The following SDK1 variants were observed in gnomAD, a reference collection of about 807,000 sequenced individuals.
SDK1 encodes the protein sidekick cell adhesion molecule 1, also known as protein sidekick-1.
In SDK1, 157 loss-of-function variants were observed where a neutral mutation model predicts 245.5. That is an observed-to-expected ratio of 0.64 (90% CI 0.56 to 0.73). The LOEUF is 0.73. SDK1 is among the 30% of genes least tolerant of loss of function. The pLI is 0.00. For synonymous variants in SDK1, 1,647 were observed against 1,278.5 expected (o/e 1.29, Z -6.15); for missense variants, 3,583 against 3,002.3 (o/e 1.19, Z -4.52).
chr7:4,099,480 C>T (rs1251797253), intron 22 of SDK1, among the ~76,000 whole-genome samples: 10 of 126,400 alleles, frequency 7.9e-5, no homozygotes, highest in African/African-American at 2.4e-4. Context: ...CAGCGGGCTC[C>T]GGGGCTGGGG....
In SDK1 at chr7:3,897,263, C is replaced by G. The variant is rs774031452; in HGVS notation, c.848-53660C>G. On this transcript the variant is annotated intron_variant, in intron 5 of 44. Transcript: ENST00000404826. ...CCCGTTCAGTAAGAAGTATTATGCA[C>G]ATTAACATTTCTGCACACTCATCAC... Among the ~76,000 whole-genome samples the G allele has an allele frequency of 3.9e-4, 60 of 152,182 alleles. 1 individual carries two copies. The highest frequency in any genetic ancestry group is 1.6e-4 in the Non-Finnish European group (11 of 68,038).
chr7:3,333,470 C>A (rs1209201103), intron 1 of SDK1, among the ~76,000 whole-genome samples: 2 of 152,114 alleles, frequency 1.3e-5, no homozygotes, highest in Non-Finnish European at 2.9e-5. Context: ...GTCTTGATCT[C>A]CTCCTGTCTG....
intron 5 of SDK1, among the ~76,000 whole-genome samples, chr7:3,891,579 T>G (rs577021778): frequency 3.9e-5 from 6 of 152,190 alleles, no homozygotes; most frequent in Non-Finnish European, 7.3e-5. Context: ...GTGCCTACAG[T>G]CATTTTTCGT....
intron 1 of SDK1, among the ~76,000 whole-genome samples, chr7:3,448,833 G>T (rs1021963406): frequency 1.3e-5 from 2 of 152,110 alleles, no homozygotes; most frequent in African/African-American, 4.8e-5. Context: ...GCAGGATTTA[G>T]TAAGTTGAAA....
At position 3,968,626 on chromosome 7, in the gene SDK1, A is replaced by G. The variant is rs568837809; in HGVS notation, c.1547-631A>G. 6.6e-5 allele frequency among the ~76,000 whole-genome samples: 10 copies of G among 152,348 alleles called. No homozygotes were observed. The South Asian group carries it at 1.2e-3, about 19-fold the overall frequency. The stretch of plus-strand genomic sequence containing the variant: ...AATACATGCAGATATAAAGAAAACT[A>G]AAAACCGATCACCCAAACATAGCAA... On this transcript the variant is annotated intron_variant, in intron 10 of 44. Coordinates refer to ENST00000404826, the MANE Select transcript of SDK1 (RefSeq NM_152744.4).
chr7:4,246,043 T>A (rs1053511214), intron 44 of SDK1, among the ~76,000 whole-genome samples: 2 of 152,198 alleles, frequency 1.3e-5, no homozygotes, highest in Non-Finnish European at 2.9e-5. Context: ...CAAGGCTGAT[T>A]CATGGAGGAG....
intron 19 of SDK1, among the ~76,000 whole-genome samples, chr7:4,062,841 TAAA>T (rs1779626097): frequency 6.6e-6 from 1 of 152,038 alleles, no homozygotes; most frequent in Admixed American, 6.6e-5. Context: ...TCCAACATAA[TAAA>T]AGACAAAAAC....
chr7:3,653,310 T>C (rs2034518399), intron 4 of SDK1, among the ~76,000 whole-genome samples: 2 of 152,142 alleles, frequency 1.3e-5, no homozygotes, highest in South Asian at 4.1e-4. Flanking sequence ...GTGTAAGCTG[T>C]TGTAGGCGTT....
At chr7:3,526,182 G>A (rs1162576290) in intron 1 of SDK1, among the ~76,000 whole-genome samples, 2 of 151,838 alleles carry the variant, frequency 1.3e-5, no homozygotes, top group Non-Finnish European at 2.9e-5. Context: ...GCTGTGAGCC[G>A]AGATCGCATC....
intron 5 of SDK1, among the ~76,000 whole-genome samples, chr7:3,945,851 A>G (rs1055487257): frequency 7.8e-6 from 1 of 127,544 alleles, no homozygotes; most frequent in Non-Finnish European, 1.6e-5. Flanking sequence ...GTGACCTGAG[A>G]TCGTGCCACT....
intron 1 of SDK1, among the ~76,000 whole-genome samples, chr7:3,304,096 C>A (rs913509651): frequency 6.6e-6 from 1 of 152,158 alleles, no homozygotes; most frequent in Non-Finnish European, 1.5e-5. Flanking sequence ...ATTTTTATAA[C>A]CTAGGTTACA....
intron 4 of SDK1, among the ~76,000 whole-genome samples, chr7:3,653,868 A>G (rs185717327): frequency 5.3e-5 from 8 of 152,304 alleles, no homozygotes; most frequent in African/African-American, 1.4e-4. Flanking sequence ...AGCTTCACTT[A>G]TGAAGCAGAG....
chr7:3,844,359 A>G (rs373859724), intron 5 of SDK1, among the ~76,000 whole-genome samples: 21 of 152,336 alleles, frequency 1.4e-4, no homozygotes, highest in African/African-American at 5.1e-4. Context: ...GTAACGGCCT[A>G]GGGAAAACGG....
At chr7:4,181,801 G>A (rs898115488) in intron 35 of SDK1, among the ~76,000 whole-genome samples, 2 of 152,224 alleles carry the variant, frequency 1.3e-5, no homozygotes, top group African/African-American at 4.8e-5. Context: ...TGCTCACAGA[G>A]CTCGAAGGCG....
At chr7:3,464,701 T>TATATATAC (rs1408831890) in intron 1 of SDK1, among the ~76,000 whole-genome samples, 1 of 150,412 alleles carries the variant, frequency 6.6e-6, no homozygotes, top group Non-Finnish European at 1.5e-5. Flanking sequence ...TATGTATGTA[T>TATATATAC]ATATATATAT....
intron 4 of SDK1, among the ~76,000 whole-genome samples, chr7:3,679,450 C>A (rs902781620): frequency 6.6e-6 from 1 of 152,084 alleles, no homozygotes; most frequent in South Asian, 2.1e-4. Flanking sequence ...GCCTGTAGTC[C>A]CAGGTACTCG....
In SDK1 at chr7:3,588,051, T is replaced by C. The variant is rs183773769; in HGVS notation, c.299-31029T>C. Among the ~76,000 whole-genome samples the C allele has an allele frequency of 1.7e-3, 261 of 152,348 alleles. 1 individual carries two copies. The highest frequency in any genetic ancestry group is 6.1e-3 in the African/African-American group (254 of 41,580). Reference sequence around the variant, plus strand: ...TCTTATTTCAAATGTAGTAGGGATGTTCAGCATTTCAAGGAATCCTAGGTC... The same window carrying C: ...TCTTATTTCAAATGTAGTAGGGATGCTCAGCATTTCAAGGAATCCTAGGTC... On this transcript the variant is annotated intron_variant, in intron 1 of 44. Transcript: ENST00000404826.
chr7:4,077,722 C>A lies in SDK1; in HGVS notation c.3202+533C>A, dbSNP rs931450821. 3.9e-5 allele frequency among the ~76,000 whole-genome samples: 6 copies of A among 152,254 alleles called. No homozygotes were observed. The East Asian group carries it at 9.7e-4, about 25-fold the overall frequency. ...TGCAAGGAAACTCCCGTTTTTAAAA[C>A]CCATAGATCTTGTGAGACTTATTCA... On this transcript the variant is annotated intron_variant, in intron 21 of 44. Coordinates refer to ENST00000404826, the MANE Select transcript of SDK1 (RefSeq NM_152744.4).
chr7:3,894,371 G>A (rs1455341387), intron 5 of SDK1, among the ~76,000 whole-genome samples: 1 of 151,960 alleles, frequency 6.6e-6, no homozygotes, highest in Non-Finnish European at 1.5e-5. Flanking sequence ...CAATGTTTGA[G>A]TGAAGCTGTG....
Sources: gnomAD v4.1 joint callset for allele counts (sites outside exome capture counted in the v4.1 genomes callset) on GRCh38, gnomAD v4.1.1 for gene constraint, MANE v1.5 for transcripts, NCBI Gene and HGNC (gene_info 2026-07-23, HGNC 2026-07-21) for gene names.